Variants in METAP2 observed in about 807,000 individuals in gnomAD.
METAP2 encodes the protein methionine aminopeptidase 2.
METAP2 carries 25 observed loss-of-function variants against 59.4 expected under a neutral mutation model. The ratio of observed to expected loss-of-function variants is 0.42; its 90% CI spans 0.31 to 0.59. The LOEUF is 0.59. Ranked by LOEUF, METAP2 falls within the 20% of genes least tolerant of loss-of-function variation. The pLI is 0.16. For synonymous variants in METAP2, 214 were observed against 194.1 expected (o/e 1.10, Z -0.85); for missense variants, 366 against 581.2 (o/e 0.63, Z 3.81).
chr12:95,514,662 T>C lies in METAP2; in HGVS notation c.*758T>C, dbSNP rs1479337880. 1 of 152,156 alleles carries C rather than the reference T, an allele frequency of 6.6e-6. No homozygotes were observed. Among genetic ancestry groups the C allele is most frequent in the Non-Finnish European group, 1.5e-5 (1 of 68,040 alleles). 9.4% of individuals were successfully genotyped at this position (152,156 alleles called of 1,614,324 possible). ...GTGCCAACTCAAAACCTTGATTTAG[T>C]AAAAATCTCAATGTTTAGATCCTTT... On this transcript the variant is annotated 3_prime_UTR_variant, in exon 11 of 11. Coordinates refer to ENST00000323666, the MANE Select transcript of METAP2 (RefSeq NM_006838.4).
At chr12:95,493,939 A>T in intron 4 of METAP2, 117 bp from the exon 5 acceptor site, 1 of 793,822 alleles carries the variant, frequency 1.3e-6, no homozygotes, top group Non-Finnish European at 1.9e-6. Flanking sequence ...CTTTATTGAC[A>T]TAAACTGAAT....
At chr12:95,496,746 A>G (rs2076277795) in intron 7 of METAP2, among the ~76,000 whole-genome samples, 1 of 150,654 alleles carries the variant, frequency 6.6e-6, no homozygotes, top group African/African-American at 2.4e-5. Context: ...CACCCACTCA[A>G]ATTTTTTTTT....
intron 2 of METAP2, among the ~76,000 whole-genome samples, chr12:95,478,814 A>G (rs1208930026): frequency 1.3e-5 from 2 of 152,168 alleles, no homozygotes; most frequent in African/African-American, 2.4e-5. Context: ...CAAAGGAACT[A>G]TTTTGGGTTG....
At chr12:95,504,626 C>G (rs1486524113) in intron 8 of METAP2, among the ~76,000 whole-genome samples, 1 of 152,212 alleles carries the variant, frequency 6.6e-6, no homozygotes, top group Admixed American at 6.5e-5. Flanking sequence ...CCTTAGCCCT[C>G]CCGGGTAGTT....
At chr12:95,479,322 C>A (rs952708044) in intron 2 of METAP2, among the ~76,000 whole-genome samples, 1 of 152,118 alleles carries the variant, frequency 6.6e-6, no homozygotes, top group Non-Finnish European at 1.5e-5. Flanking sequence ...ATTCTGGGAG[C>A]AGGAGTAAGG....
At chr12:95,511,393 T>TTTG (rs1555193406) in intron 8 of METAP2, among the ~76,000 whole-genome samples, 1 of 137,372 alleles carries the variant, frequency 7.3e-6, no homozygotes, top group Non-Finnish European at 1.6e-5. Context: ...AGCACCGTTT[T>TTTG]TTTTTTTTTT....
chr12:95,496,141 C>G (rs200411844), intron 7 of METAP2, 43 bp downstream of exon 7: 3 of 1,329,160 alleles, frequency 2.3e-6, no homozygotes, highest in Non-Finnish European at 3.2e-6. Context: ...ATATTTTGAG[C>G]ACTTTAAGGT....
At chr12:95,510,059 A>G (rs1367341240) in intron 8 of METAP2, among the ~76,000 whole-genome samples, 1 of 150,938 alleles carries the variant, frequency 6.6e-6, no homozygotes, top group African/African-American at 2.4e-5. Context: ...CTGGTCTTGA[A>G]CTCCTGACCT....
At chr12:95,490,618 G>T (rs1198170801) in intron 4 of METAP2, among the ~76,000 whole-genome samples, 1 of 139,880 alleles carries the variant, frequency 7.1e-6, no homozygotes, top group Non-Finnish European at 1.5e-5. Context: ...TGTCCAGGCT[G>T]GTTTACAATT....
intron 3 of METAP2, among the ~76,000 whole-genome samples, chr12:95,483,898 G>A (rs1449153852): frequency 6.6e-6 from 1 of 152,120 alleles, no homozygotes; most frequent in Non-Finnish European, 1.5e-5. Context: ...TATTTAAGAT[G>A]TGTGCATATG....
chr12:95,497,863 C>T (rs2076286424), intron 7 of METAP2, among the ~76,000 whole-genome samples: 1 of 149,644 alleles, frequency 6.7e-6, no homozygotes, highest in Non-Finnish European at 1.5e-5. Context: ...TGTGGTGGCT[C>T]ATGCCTGTAA....
At chr12:95,496,203 T>C in intron 7 of METAP2, 105 bp downstream of exon 7, 1 of 639,490 alleles carries the variant, frequency 1.6e-6, no homozygotes, top group Non-Finnish European at 2.7e-6. Context: ...TTTAAGGGCT[T>C]TGGGTAATTA....
Position 95,494,040 on chromosome 12 carries a change from T to C in METAP2, c.429-16T>C. ...TGCTGTTTTATCACTAATAGTATTC[T>C]ATGCCCACTCTAAAGGCGAACAGCT... On this transcript the variant is annotated splice_polypyrimidine_tract_variant and intron_variant, in intron 4 of 10. Coordinates refer to ENST00000323666, the MANE Select transcript of METAP2 (RefSeq NM_006838.4). The C allele has an allele frequency of 6.2e-7, 1 of 1,611,316 alleles. No homozygotes were observed.
intron 2 of METAP2, among the ~76,000 whole-genome samples, chr12:95,477,406 C>T (rs1451029796): frequency 1.3e-5 from 2 of 152,156 alleles, no homozygotes; most frequent in Non-Finnish European, 2.9e-5. Flanking sequence ...CTTTTACTCT[C>T]TATACCAAAA....
At position 95,499,909 on chromosome 12, in the gene METAP2, A is replaced by G. The variant is rs113214181; in HGVS notation, c.867+3811A>G. On this transcript the variant is annotated intron_variant, in intron 7 of 10. Coordinates refer to ENST00000323666, the MANE Select transcript of METAP2 (RefSeq NM_006838.4). ...GGAAGTGCCAGATGTTTATAAAACT[A>G]TCAGGTCTCATGAGAACTTCCTATC... 4.6e-5 allele frequency among the ~76,000 whole-genome samples: 7 copies of G among 152,286 alleles called. 1 individual carries two copies. The highest frequency in any genetic ancestry group is 1.2e-4 in the African/African-American group (5 of 41,556).
chr12:95,502,056 G>A (rs1269790081), intron 7 of METAP2, among the ~76,000 whole-genome samples: 1 of 149,844 alleles, frequency 6.7e-6, no homozygotes, highest in Non-Finnish European at 1.5e-5. Flanking sequence ...AGGCTGGAGC[G>A]CAGTGGTATG....
At chr12:95,483,857 T>C (rs2076177281) in intron 3 of METAP2, among the ~76,000 whole-genome samples, 1 of 152,196 alleles carries the variant, frequency 6.6e-6, no homozygotes. Flanking sequence ...AATTATGAGA[T>C]TCTTGATGAG....
At chr12:95,501,789 G>T (rs754350554) in intron 7 of METAP2, among the ~76,000 whole-genome samples, 1 of 148,832 alleles carries the variant, frequency 6.7e-6, no homozygotes, top group African/African-American at 2.5e-5. Flanking sequence ...GCAGACTATT[G>T]TTAGAATAAT....
intron 8 of METAP2, among the ~76,000 whole-genome samples, chr12:95,508,779 C>T (rs1303353214): frequency 1.3e-5 from 2 of 152,230 alleles, no homozygotes; most frequent in Middle Eastern, 3.4e-3. Context: ...CCTGCAACAT[C>T]GGGATTTTTA....
Sources: gnomAD v4.1 joint callset for allele counts (sites outside exome capture counted in the v4.1 genomes callset) on GRCh38, gnomAD v4.1.1 for gene constraint, MANE v1.5 for transcripts, NCBI Gene and HGNC (gene_info 2026-07-23, HGNC 2026-07-21) for gene names.